The following TMEM181 variants were observed in gnomAD, a reference collection of about 807,000 sequenced individuals.
The protein encoded by TMEM181 is G protein-coupled receptor 178.
Under a neutral mutation model 71.9 loss-of-function variants are expected in TMEM181, and 39 were observed. That is an observed-to-expected ratio of 0.54 (90% CI 0.42 to 0.71). The LOEUF (loss-of-function observed/expected upper bound fraction) is 0.71. TMEM181 is among the 30% of genes least tolerant of loss of function. The pLI, the probability that TMEM181 is intolerant of heterozygous loss-of-function variation, is 0.00. For synonymous variants in TMEM181, 245 were observed against 228.8 expected (o/e 1.07, Z -0.64); for missense variants, 595 against 583.0 (o/e 1.02, Z -0.21).
chr6:158,617,196 C>T (rs1158780842), intron 10 of TMEM181, among the ~76,000 whole-genome samples: 6 of 152,166 alleles, frequency 3.9e-5, no homozygotes, highest in Non-Finnish European at 8.8e-5. Context: ...TCAGCTTCTT[C>T]CTGGTTTCGT....
intron 10 of TMEM181, among the ~76,000 whole-genome samples, chr6:158,622,465 T>C (rs1786021393): frequency 6.6e-6 from 1 of 151,976 alleles, no homozygotes; most frequent in Admixed American, 6.6e-5. Context: ...GCAGATGATG[T>C]GGCCGACTGA....
intron 10 of TMEM181, among the ~76,000 whole-genome samples, chr6:158,621,021 G>T (rs1212948060): frequency 6.6e-6 from 1 of 152,176 alleles, no homozygotes; most frequent in Non-Finnish European, 1.5e-5. Context: ...GTGTCTCTTT[G>T]TCTTGCTTAT....
In TMEM181 at chr6:158,591,818, G is replaced by A. The variant is rs112615706; in HGVS notation, c.492+2036G>A. 2.2e-3 allele frequency among the ~76,000 whole-genome samples: 332 copies of A among 152,084 alleles called. 2 individuals carry two copies. The highest frequency in any genetic ancestry group is 7.4e-3 in the African/African-American group (307 of 41,508). ...TGACCCTGTTCTATGGGTGTGGGCC[G>A]CTGTTTTGTCTTTATGGTTTTTGTC... On this transcript the variant is annotated intron_variant, in intron 6 of 16. Coordinates refer to ENST00000684151, the MANE Select transcript of TMEM181 (RefSeq NM_001376852.1).
chr6:158,590,629 A>G (rs1285857656), intron 6 of TMEM181, among the ~76,000 whole-genome samples: 1 of 152,030 alleles, frequency 6.6e-6, no homozygotes, highest in Non-Finnish European at 1.5e-5. Context: ...ATGCCCAGCT[A>G]ATTTTTGTAT....
At chr6:158,626,928 C>T (rs556468313) in intron 13 of TMEM181, among the ~76,000 whole-genome samples, 1 of 86,470 alleles carries the variant, frequency 1.2e-5, no homozygotes, top group East Asian at 6.7e-4. Context: ...TCATTCTCAC[C>T]CTCATTCTCA....
intron 2 of TMEM181, 54 bp downstream of exon 2, chr6:158,573,577 G>T (rs945832015): frequency 3.2e-5 from 46 of 1,457,864 alleles, no homozygotes; most frequent in Non-Finnish European, 4.3e-5. Context: ...TGGCCCTGGC[G>T]TATTGCTTTC....
At chr6:158,615,619 T>A (rs1785569998) in intron 10 of TMEM181, among the ~76,000 whole-genome samples, 1 of 152,226 alleles carries the variant, frequency 6.6e-6, no homozygotes, top group Admixed American at 6.5e-5. Context: ...TGGTTTTAGG[T>A]CTAACATTTA....
intron 10 of TMEM181, among the ~76,000 whole-genome samples, chr6:158,611,967 T>C (rs920529983): frequency 1.0e-4 from 12 of 115,248 alleles, no homozygotes; most frequent in African/African-American, 3.9e-4. Flanking sequence ...TCCCTGCAGC[T>C]GCAGGGATAC....
chr6:158,608,786 G>GAAA, intron 10 of TMEM181, 36 bp downstream of exon 10: 1 of 1,591,800 alleles, frequency 6.3e-7, no homozygotes, highest in Non-Finnish European at 8.6e-7. Context: ...CTTCAGTCAT[G>GAAA]AAAAGCATTT....
chr6:158,626,199 T>C (rs570420661), intron 13 of TMEM181, among the ~76,000 whole-genome samples: 1 of 152,260 alleles, frequency 6.6e-6, no homozygotes, highest in Admixed American at 6.5e-5. Flanking sequence ...GGTCCTGTTG[T>C]GTCAGGGAGT....
At chr6:158,554,235 G>C (rs903853343) in intron 1 of TMEM181, among the ~76,000 whole-genome samples, 2 of 152,146 alleles carry the variant, frequency 1.3e-5, no homozygotes, top group African/African-American at 4.8e-5. Context: ...ACAGGCGCCT[G>C]CCACCACGCC....
intron 6 of TMEM181, among the ~76,000 whole-genome samples, chr6:158,601,159 G>A (rs996841883): frequency 6.6e-6 from 1 of 152,212 alleles, no homozygotes; most frequent in African/African-American, 2.4e-5. Flanking sequence ...TAATAGTTAT[G>A]TGATGTTTTG....
At chr6:158,545,264 T>G (rs2033969) in intron 1 of TMEM181, among the ~76,000 whole-genome samples, 55,804 of 152,296 alleles carry the variant, frequency 0.37, 10,951 homozygotes, top group East Asian at 0.56. Flanking sequence ...GCCCCATTGT[T>G]CTGCATGTTC....
intron 2 of TMEM181, among the ~76,000 whole-genome samples, chr6:158,577,841 A>G (rs1208946177): frequency 6.6e-6 from 1 of 152,230 alleles, no homozygotes; most frequent in African/African-American, 2.4e-5. Context: ...CTGTAATCCC[A>G]GTACTTTGGG....
chr6:158,613,434 C>T (rs1399714193), intron 10 of TMEM181, among the ~76,000 whole-genome samples: 1 of 152,128 alleles, frequency 6.6e-6, no homozygotes, highest in Non-Finnish European at 1.5e-5. Flanking sequence ...TAAGACTTTC[C>T]AAAGCCAAAC....
chr6:158,578,439 A>G (rs1157571253), intron 2 of TMEM181, among the ~76,000 whole-genome samples: 1 of 152,236 alleles, frequency 6.6e-6, no homozygotes, highest in Non-Finnish European at 1.5e-5. Flanking sequence ...GTATTATTAT[A>G]ACTTTGGTTT....
chr6:158,599,743 C>T (rs1383463101), intron 6 of TMEM181, among the ~76,000 whole-genome samples: 2 of 152,178 alleles, frequency 1.3e-5, no homozygotes, highest in Admixed American at 6.5e-5. Context: ...GCCTGGAGGC[C>T]GCTGTGTGTC....
chr6:158,621,466 TG>T (rs1466786291), intron 10 of TMEM181: 1 of 221,750 alleles, frequency 4.5e-6, no homozygotes, highest in Non-Finnish European at 1.0e-5. Flanking sequence ...ATCCTCTTCC[TG>T]GGTTTTCAGG....
At chr6:158,560,895 C>T (rs1782130312) in intron 1 of TMEM181, among the ~76,000 whole-genome samples, 1 of 151,972 alleles carries the variant, frequency 6.6e-6, no homozygotes, top group African/African-American at 2.4e-5. Context: ...GGACGCCATC[C>T]CTAAAGCTTG....
Sources: allele counts gnomAD v4.1 joint callset (sites outside exome capture counted in the v4.1 genomes callset), GRCh38; gene constraint gnomAD v4.1.1; transcripts MANE v1.5; gene names NCBI Gene and HGNC (gene_info 2026-07-23, HGNC 2026-07-21).